WNT2B: variants seen among roughly 807,000 people sequenced by gnomAD.
WNT2B encodes the protein Wnt family member 2B, also known as protein Wnt-2b.
A neutral mutation model predicts 40.5 loss-of-function variants in WNT2B; 19 were observed. The observed-to-expected ratio is 0.47, with a 90% CI of 0.33 to 0.69. The LOEUF (loss-of-function observed/expected upper bound fraction) is 0.69. WNT2B is among the 30% of genes least tolerant of loss of function. The pLI is 0.02. For missense variants in WNT2B, 467 were observed against 556.4 expected, an observed-to-expected ratio of 0.84 and a Z score of 1.62; for synonymous variants, 220 against 211.9, an observed-to-expected ratio of 1.04 and a Z score of -0.33.
intron 1 of WNT2B, among the ~76,000 whole-genome samples, chr1:112,482,725 T>C (rs1031593227): frequency 2.6e-5 from 4 of 152,044 alleles, no homozygotes; most frequent in Admixed American, 2.6e-4. Flanking sequence ...GAATAAAATA[T>C]TGAGGAATAA....
chr1:112,503,299 C>T (rs1482887171), intron 1 of WNT2B, among the ~76,000 whole-genome samples: 1 of 152,088 alleles, frequency 6.6e-6, no homozygotes, highest in Non-Finnish European at 1.5e-5. Flanking sequence ...CTTGTTTCAC[C>T]AGTGGGGAAA....
chr1:112,478,947 C>T (rs529484038), intron 1 of WNT2B, among the ~76,000 whole-genome samples: 133 of 152,008 alleles, frequency 8.7e-4, no homozygotes, highest in Middle Eastern at 3.4e-3. Context: ...AAGGGCTGGG[C>T]GCAGTGGCTG....
chr1:112,485,089 C>T (rs1434872177), intron 1 of WNT2B, among the ~76,000 whole-genome samples: 1 of 152,188 alleles, frequency 6.6e-6, no homozygotes, highest in Non-Finnish European at 1.5e-5. Context: ...AAGGACCTAA[C>T]ATAACCAAAA....
chr1:112,503,212 G>A (rs1362110995), intron 1 of WNT2B, among the ~76,000 whole-genome samples: 10 of 152,146 alleles, frequency 6.6e-5, no homozygotes, highest in Non-Finnish European at 4.4e-5. Flanking sequence ...CTGGGATACT[G>A]CAGTCCTGAC....
At chr1:112,491,977 G>A (rs931127161) in intron 1 of WNT2B, among the ~76,000 whole-genome samples, 1 of 152,122 alleles carries the variant, frequency 6.6e-6, no homozygotes, top group African/African-American at 2.4e-5. Flanking sequence ...CATCATGGGA[G>A]TGAGAACAAC....
intron 1 of WNT2B, among the ~76,000 whole-genome samples, chr1:112,497,192 G>T (rs1353537719): frequency 6.6e-6 from 1 of 152,116 alleles, no homozygotes; most frequent in Non-Finnish European, 1.5e-5. Context: ...TGCCTCAACG[G>T]GTCTGAGGTC....
chr1:112,479,047 C>T (rs1193271806), intron 1 of WNT2B, among the ~76,000 whole-genome samples: 1 of 152,038 alleles, frequency 6.6e-6, no homozygotes, highest in Non-Finnish European at 1.5e-5. Flanking sequence ...ATGGTGAAAC[C>T]TTGTCTCTAC....
chr1:112,474,312 A>G (rs1411727001), intron 1 of WNT2B, among the ~76,000 whole-genome samples: 2 of 150,480 alleles, frequency 1.3e-5, no homozygotes, highest in Admixed American at 6.6e-5. Context: ...CATCTGACTG[A>G]TTTTTTTTTG....
chr1:112,526,263 AC>A lies in WNT2B; in HGVS notation c.*5756del. ...CTCTTTTGCCATTTCTGCCACTATTACCACCAGTACCATGTGACCACTATAC... is the reference window on the plus strand; with the variant it reads ...CTCTTTTGCCATTTCTGCCACTATTACACCAGTACCATGTGACCACTATAC... On this transcript the variant is annotated 3_prime_UTR_variant, in exon 5 of 5. Transcript: ENST00000369684. 2 of 911,138 alleles carry A rather than the reference AC, an allele frequency of 2.2e-6. No homozygotes were observed. The highest frequency in any genetic ancestry group is 3.3e-6 in the Non-Finnish European group (2 of 601,404). 56.4% of individuals were successfully genotyped at this position (911,138 alleles called of 1,614,324 possible).
At chr1:112,469,043 A>C (rs977275141) in intron 1 of WNT2B, among the ~76,000 whole-genome samples, 4 of 152,148 alleles carry the variant, frequency 2.6e-5, no homozygotes, top group Non-Finnish European at 4.4e-5. Flanking sequence ...TTTTCCCAGC[A>C]CCATTTATTG....
At position 112,514,985 on chromosome 1, in the gene WNT2B, G is replaced by A; in HGVS notation, c.294G>A (p.Glu98=). The change falls in exon 2 of 5, where the codon GAG becomes GAA. Residue 98 remains glutamate, a synonymous_variant. Transcript: ENST00000369684. Reference sequence around the variant, plus strand: ...CAGACATCATGCGTTCAGTGGGCGAGGGTGCCCGAGAATGGATCCGAGAGT... The same window carrying A: ...CAGACATCATGCGTTCAGTGGGCGAAGGTGCCCGAGAATGGATCCGAGAGT... ...RYPDIMRSVG[E]GAREWIRECQ... The A allele has an allele frequency of 6.2e-7, 1 of 1,614,230 alleles. No homozygotes were observed. The highest frequency in any genetic ancestry group is 1.3e-5 in the African/African-American group (1 of 75,068).
Position 112,509,152 on chromosome 1 carries a change from C to G in WNT2B, c.-111C>G. ...CAGGTGATCCTAGGTCCCCAGCCGC[C>G]GGCGAACACCATGGCCCCCCAGGGG... On this transcript the variant is annotated 5_prime_UTR_variant, in exon 1 of 5. Coordinates refer to ENST00000369684, the MANE Select transcript of WNT2B (RefSeq NM_024494.3). The surrounding 1 kb of genome is among the most constrained non-coding windows in gnomAD (Gnocchi z 4.2). 7.3e-7 allele frequency: 1 copy of G among 1,376,814 alleles called. No homozygotes were observed. Among genetic ancestry groups the G allele is most frequent in the Non-Finnish European group, 9.3e-7 (1 of 1,074,110 alleles). The allele number at this position is 1,376,814 out of a possible 1,614,324, so 85.3% of individuals were successfully genotyped here. A position where few individuals can be genotyped will look rare whatever the true frequency, so the allele number is the denominator to read the frequency against.
rs2101132757 is a variant in WNT2B at position 112,526,528 on chromosome 1, C to T, written c.*6019C>T. ...GCCGAGGTGGGGCAGATCACGAGGT[C>T]AGGAGATTGAGACCATCCTGGCTAA... On this transcript the variant is annotated 3_prime_UTR_variant, in exon 5 of 5. Coordinates refer to ENST00000369684, the MANE Select transcript of WNT2B (RefSeq NM_024494.3). The T allele has an allele frequency of 6.4e-6, 1 of 156,954 alleles. No homozygotes were observed. Among genetic ancestry groups the T allele is most frequent in the African/African-American group, 2.4e-5 (1 of 41,670 alleles). 9.7% of individuals were successfully genotyped at this position (156,954 alleles called of 1,614,324 possible).
chr1:112,507,349 C>T (rs950214200), upstream of WNT2B, among the ~76,000 whole-genome samples: 4 of 152,204 alleles, frequency 2.6e-5, no homozygotes, highest in Admixed American at 6.5e-5. Flanking sequence ...TCCCTAGTGC[C>T]TAGCACAGTC....
chr1:112,516,015 G>A, intron 2 of WNT2B, 125 bp from the exon 3 acceptor site: 2 of 1,254,462 alleles, frequency 1.6e-6, no homozygotes, highest in Admixed American at 2.3e-5. Flanking sequence ...AATAAAGGGG[G>A]TGTAGGGGTG....
rs1163307676 is a variant in WNT2B at position 112,494,174 on chromosome 1, G to A, written c.-94-20700G>A. 9.9e-5 allele frequency among the ~76,000 whole-genome samples: 15 copies of A among 151,112 alleles called. 1 individual carries two copies. The highest frequency in any genetic ancestry group is 3.5e-4 in the African/African-American group (14 of 40,516). ...AAAATACAAAAATTAGCCATGCTTGGTGGCGTGCGCCTGTAGTCCCAGCTA... is the reference window on the plus strand; with the variant it reads ...AAAATACAAAAATTAGCCATGCTTGATGGCGTGCGCCTGTAGTCCCAGCTA... On this transcript the variant is annotated intron_variant, in intron 1 of 4. Coordinates refer to the WNT2B transcript ENST00000256640.
chr1:112,513,137 A>ACC (rs1652413051), intron 1 of WNT2B, among the ~76,000 whole-genome samples: 1 of 148,154 alleles, frequency 6.7e-6, no homozygotes, highest in African/African-American at 2.5e-5. Flanking sequence ...AAACAAAAAA[A>ACC]CACACCCATT....
intron 1 of WNT2B, among the ~76,000 whole-genome samples, chr1:112,510,695 T>C (rs1366729386): frequency 6.6e-6 from 1 of 151,692 alleles, no homozygotes; most frequent in African/African-American, 2.4e-5. Context: ...AAAATCTCTT[T>C]TGAATTTTTT....
At chr1:112,508,479 T>A (rs1652200164), upstream of WNT2B, among the ~76,000 whole-genome samples, 1 of 151,918 alleles carries the variant, frequency 6.6e-6, no homozygotes, top group Non-Finnish European at 1.5e-5. This position sits in a 1 kb window ranked among gnomAD's most constrained non-coding sequence, Gnocchi z 4.2. Flanking sequence ...GGCGCTCCTG[T>A]AGGCAGTGTT....
Sources: allele counts gnomAD v4.1 joint callset (sites outside exome capture counted in the v4.1 genomes callset), GRCh38; gene constraint gnomAD v4.1.1; non-coding constraint Gnocchi (gnomAD v3.1); transcripts MANE v1.5; gene names NCBI Gene and HGNC (gene_info 2026-07-23, HGNC 2026-07-21).